TTC9: variants seen among roughly 807,000 people sequenced by gnomAD.
TTC9 encodes the protein tetratricopeptide repeat domain 9.
A neutral mutation model predicts 22.9 loss-of-function variants in TTC9; 13 were observed. That is an observed-to-expected ratio of 0.57 (90% CI 0.37 to 0.90). The LOEUF (loss-of-function observed/expected upper bound fraction) is 0.90. Ranked by LOEUF, TTC9 falls within the 40% of genes least tolerant of loss-of-function variation. The pLI is 0.01. For synonymous variants in TTC9, 148 were observed against 133.2 expected (o/e 1.11, Z -0.77); for missense variants, 280 against 291.8 (o/e 0.96, Z 0.29).
intron 1 of TTC9, among the ~76,000 whole-genome samples, chr14:70,659,444 G>A (rs1414631655): frequency 1.3e-5 from 2 of 152,168 alleles, no homozygotes; most frequent in Non-Finnish European, 2.9e-5. Context: ...AACCAGAAAC[G>A]TGTCATGTCA....
At chr14:70,665,337 T>G (rs1886199830) in intron 1 of TTC9, among the ~76,000 whole-genome samples, 1 of 152,120 alleles carries the variant, frequency 6.6e-6, no homozygotes, top group East Asian at 1.9e-4. Flanking sequence ...TCCAGGAACC[T>G]TTTTACAGAA....
Position 70,642,535 on chromosome 14 carries a change from G to A in TTC9, c.406G>A (p.Ala136Thr). Reference sequence around the variant, plus strand: ...GATCGACTGTTACAACAGCCTGGCAGGTGAGCCGCGCCGCGCCCCCCGCGC... The same window carrying A: ...GATCGACTGTTACAACAGCCTGGCAAGTGAGCCGCGCCGCGCCCCCCGCGC... ...IEIDCYNSLAACLLQAELVNY... is the reference protein window; with the variant it reads ...IEIDCYNSLATCLLQAELVNY... Residue 136 changes from alanine to threonine, a missense_variant and splice_region_variant, in exon 1 of 3, where the codon GCC becomes ACC. Around this residue, in one of 5 missense-constraint regions of TTC9, gnomAD observed 165 missense variants for 145.4 expected, o/e 1.14. Coordinates refer to ENST00000256367, the MANE Select transcript of TTC9 (RefSeq NM_015351.2). 1 of 1,523,724 alleles carries A rather than the reference G, an allele frequency of 6.6e-7. No individual in the cohort carries two copies. Among genetic ancestry groups the A allele is most frequent in the African/African-American group, 1.4e-5 (1 of 71,298 alleles). 94.4% of individuals were successfully genotyped at this position (1,523,724 alleles called of 1,614,324 possible).
intron 2 of TTC9, among the ~76,000 whole-genome samples, chr14:70,670,769 G>A (rs1379302947): frequency 6.6e-6 from 1 of 152,154 alleles, no homozygotes; most frequent in African/African-American, 2.4e-5. Flanking sequence ...AACTAACTGC[G>A]CCGGCTGGGA....
intron 1 of TTC9, among the ~76,000 whole-genome samples, chr14:70,657,951 G>T (rs191058674): frequency 6.4e-4 from 98 of 152,180 alleles, no homozygotes; most frequent in Middle Eastern, 3.2e-3. Flanking sequence ...GGGCGACAGA[G>T]CGAGACTCCA....
intron 1 of TTC9, among the ~76,000 whole-genome samples, chr14:70,661,786 C>G (rs1166506552): frequency 2.0e-5 from 3 of 152,168 alleles, no homozygotes; most frequent in Non-Finnish European, 2.9e-5. Flanking sequence ...TTGCTAAACA[C>G]GACCCCTCTG....
At chr14:70,654,172 G>A (rs555543241) in intron 1 of TTC9, among the ~76,000 whole-genome samples, 1 of 152,170 alleles carries the variant, frequency 6.6e-6, no homozygotes, top group South Asian at 2.1e-4. Context: ...GCCCCATGAA[G>A]AGGCAGTGCT....
intron 1 of TTC9, among the ~76,000 whole-genome samples, chr14:70,647,728 T>A (rs1461193447): frequency 6.6e-6 from 1 of 152,216 alleles, no homozygotes; most frequent in African/African-American, 2.4e-5. Flanking sequence ...GCTCATGCTG[T>A]GTTGTCCCAT....
rs1885818349 is a variant in TTC9 at position 70,642,066 on chromosome 14, G to A, written c.-64G>A. On this transcript the variant is annotated 5_prime_UTR_variant, in exon 1 of 3. Transcript: ENST00000256367. ...GCCCGCGGCTTTTAAACCCGGGAAG[G>A]CGCGGCGGCGGCGGCGGCGGCGGGC... The A allele has an allele frequency of 2.0e-6, 2 of 976,304 alleles. No individual in the cohort carries two copies. Among genetic ancestry groups the A allele is most frequent in the Non-Finnish European group, 2.4e-6 (2 of 819,140 alleles). The allele number at this position is 976,304 out of a possible 1,614,324, so 60.5% of individuals were successfully genotyped here. A position where few individuals can be genotyped will look rare whatever the true frequency, so the allele number is the denominator to read the frequency against.
chr14:70,642,549 C>T lies in TTC9; in HGVS notation c.406+14C>T, dbSNP rs1428111688. Reference sequence around the variant, plus strand: ...ACAGCCTGGCAGGTGAGCCGCGCCGCGCCCCCCGCGCCGCGGTCCCCGTTC... The same window carrying T: ...ACAGCCTGGCAGGTGAGCCGCGCCGTGCCCCCCGCGCCGCGGTCCCCGTTC... On this transcript the variant is annotated intron_variant, in intron 1 of 2. Transcript: ENST00000256367. 4 of 1,527,266 alleles carry T rather than the reference C, an allele frequency of 2.6e-6. No homozygotes were observed. Among genetic ancestry groups the T allele is most frequent in the Admixed American group, 4.1e-5 (2 of 48,210 alleles). The allele number at this position is 1,527,266 out of a possible 1,614,324, so 94.6% of individuals were successfully genotyped here. A position where few individuals can be genotyped will look rare whatever the true frequency, so the allele number is the denominator to read the frequency against.
At chr14:70,651,179 G>A (rs1885979816) in intron 1 of TTC9, among the ~76,000 whole-genome samples, 1 of 152,160 alleles carries the variant, frequency 6.6e-6, no homozygotes, top group Non-Finnish European at 1.5e-5. Flanking sequence ...ATGGGGTTTC[G>A]CTATGTTGGC....
intron 1 of TTC9, among the ~76,000 whole-genome samples, chr14:70,650,558 C>A (rs1008872018): frequency 1.3e-5 from 2 of 152,220 alleles, no homozygotes; most frequent in Non-Finnish European, 2.9e-5. Flanking sequence ...ACCTGGACTG[C>A]AAGTTCTGTC....
At position 70,659,132 on chromosome 14, in the gene TTC9, G is replaced by GCACA. The variant is rs71105721; in HGVS notation, c.407-8405_407-8402dup. On this transcript the variant is annotated intron_variant, in intron 1 of 2. Coordinates refer to ENST00000256367, the MANE Select transcript of TTC9 (RefSeq NM_015351.2). The stretch of plus-strand genomic sequence containing the variant: ...TGTATATAACTAAACACACACACAC[G>GCACA]CACACACACACACACACACACACAC... Among the ~76,000 whole-genome samples the GCACA allele has an allele frequency of 7.2e-3, 1,040 of 144,318 alleles. 17 individuals carry two copies. Among genetic ancestry groups the GCACA allele is most frequent in the African/African-American group, 0.025 (975 of 38,632 alleles). 94.7% of individuals were successfully genotyped at this position (144,318 alleles called of 152,430 possible).
intron 1 of TTC9, among the ~76,000 whole-genome samples, chr14:70,667,176 C>T (rs960496124): frequency 3.9e-5 from 6 of 152,192 alleles, no homozygotes; most frequent in African/African-American, 1.4e-4. Context: ...GTACATATTT[C>T]CCCTTTTTAT....
At chr14:70,648,104 T>C (rs951969107) in intron 1 of TTC9, among the ~76,000 whole-genome samples, 6 of 152,002 alleles carry the variant, frequency 3.9e-5, no homozygotes, top group Non-Finnish European at 5.9e-5. Context: ...AGGGTAAGGA[T>C]TGGTCAAAAG....
At position 70,642,430 on chromosome 14, in the gene TTC9, T is replaced by C. The variant is rs1405383069; in HGVS notation, c.301T>C (p.Ser101Pro). Reference protein sequence around the residue: ...LPPPGERERDSRPASPAGALK... With the variant: ...LPPPGERERDPRPASPAGALK... ...GCCCCCCGGGGAACGGGAGCGGGACTCGCGCCCGGCCTCCCCGGCTGGGGC... is the reference window on the plus strand; with the variant it reads ...GCCCCCCGGGGAACGGGAGCGGGACCCGCGCCCGGCCTCCCCGGCTGGGGC... The change falls in exon 1 of 3, where the codon TCG (serine) becomes CCG (proline). Residue 101 changes from serine (S) to proline (P), a missense_variant. Ser to Pro is a moderately conservative substitution (Grantham distance 74). Around this residue, in one of 5 missense-constraint regions of TTC9, gnomAD observed 165 missense variants for 145.4 expected, o/e 1.14. Coordinates refer to ENST00000256367, the MANE Select transcript of TTC9 (RefSeq NM_015351.2). The C allele has an allele frequency of 6.3e-7, 1 of 1,578,840 alleles. No individual in the cohort carries two copies. Among genetic ancestry groups the C allele is most frequent in the East Asian group, 2.4e-5 (1 of 42,480 alleles).
chr14:70,666,754 C>T (rs778055826), intron 1 of TTC9, among the ~76,000 whole-genome samples: 2 of 152,094 alleles, frequency 1.3e-5, no homozygotes, highest in Non-Finnish European at 2.9e-5. Context: ...GTAATAGTAC[C>T]CACATTGGAG....
At chr14:70,650,891 A>G (rs1158694672) in intron 1 of TTC9, among the ~76,000 whole-genome samples, 1 of 152,230 alleles carries the variant, frequency 6.6e-6, no homozygotes, top group African/African-American at 2.4e-5. Context: ...CATTCAAGAA[A>G]ATTGTCTCAA....
chr14:70,643,589 T>C (rs1259136586), intron 1 of TTC9, among the ~76,000 whole-genome samples: 2 of 152,180 alleles, frequency 1.3e-5, no homozygotes, highest in South Asian at 2.1e-4. Flanking sequence ...AAACTGTCTA[T>C]GGACAGTTAG....
At chr14:70,653,696 C>T (rs542783648) in intron 1 of TTC9, among the ~76,000 whole-genome samples, 2 of 148,170 alleles carry the variant, frequency 1.3e-5, no homozygotes, top group Non-Finnish European at 3.0e-5. Flanking sequence ...ACACTTTGCC[C>T]CAGGATTCCC....
Sources: allele counts gnomAD v4.1 joint callset (sites outside exome capture counted in the v4.1 genomes callset), GRCh38; gene constraint gnomAD v4.1.1; regional missense constraint gnomAD v4.1.1; transcripts MANE v1.5; gene names NCBI Gene and HGNC (gene_info 2026-07-23, HGNC 2026-07-21).